Variants in CLDN16 observed in about 807,000 individuals in gnomAD.
CLDN16 encodes the protein claudin 16.
CLDN16 carries 13 observed loss-of-function variants against 24.6 expected under a neutral mutation model. The ratio of observed to expected loss-of-function variants is 0.53; its 90% CI spans 0.34 to 0.84. CLDN16 has a LOEUF of 0.84. Among genes scored for constraint, CLDN16 ranks in the 40% least tolerant of loss-of-function variants. CLDN16 has a pLI of 0.01. For synonymous variants in CLDN16, 116 were observed against 106.7 expected (o/e 1.09, Z -0.54); for missense variants, 298 against 292.7 (o/e 1.02, Z -0.13).
intron 3 of CLDN16, among the ~76,000 whole-genome samples, chr3:190,377,248 T>C (rs1718265821): frequency 6.6e-6 from 1 of 151,978 alleles, no homozygotes; most frequent in Non-Finnish European, 1.5e-5. Flanking sequence ...TTTTCTGCTA[T>C]TGATGAGAAT....
chr3:190,408,923 G>T (rs759617032), intron 4 of CLDN16, among the ~76,000 whole-genome samples: 6 of 147,980 alleles, frequency 4.1e-5, no homozygotes, highest in African/African-American at 1.5e-4. Flanking sequence ...TAGTACATAT[G>T]TATACACATA....
In CLDN16 at chr3:190,330,238, A is replaced by G. The variant is rs192644859; in HGVS notation, n.121+7577A>G. Among the ~76,000 whole-genome samples the G allele has an allele frequency of 3.1e-3, 479 of 152,286 alleles. No homozygotes were observed. In the South Asian group the frequency reaches 0.032, roughly 10 times the overall value. On this transcript the variant is annotated intron_variant and non_coding_transcript_variant, in intron 1 of 4. Coordinates refer to the CLDN16 transcript ENST00000468220. ...CTTGAACGACCTTTTGTTTACTGAA[A>G]AACTATTGTTTCATTGTGAAATATT... is the stretch of plus-strand genomic sequence containing the variant.
At chr3:190,398,747 T>C (rs1270214837) in intron 1 of CLDN16, among the ~76,000 whole-genome samples, 1 of 152,196 alleles carries the variant, frequency 6.6e-6, no homozygotes, top group East Asian at 1.9e-4. Flanking sequence ...ATTGCGTGTG[T>C]ATTTGTAATT....
At chr3:190,308,291 T>C in the CLDN16 span, 1 of 1,613,854 alleles carries the variant, frequency 6.2e-7, no homozygotes, top group African/African-American at 1.3e-5. Flanking sequence ...ACGTAGTCTT[T>C]CCCGCTGGAA....
intron 1 of CLDN16, among the ~76,000 whole-genome samples, chr3:190,325,505 G>A (rs552443593): frequency 6.6e-6 from 1 of 152,342 alleles, no homozygotes; most frequent in East Asian, 1.9e-4. Context: ...TGAGGAGGAA[G>A]AGATGTGTAA....
At chr3:190,371,212 T>C (rs1400069888) in intron 2 of CLDN16, among the ~76,000 whole-genome samples, 1 of 150,676 alleles carries the variant, frequency 6.6e-6, no homozygotes, top group East Asian at 2.0e-4. Context: ...AGTTAATACA[T>C]ATATATAGTA....
chr3:190,395,953 G>C (rs1056012833), intron 1 of CLDN16, among the ~76,000 whole-genome samples: 1 of 152,104 alleles, frequency 6.6e-6, no homozygotes, highest in Non-Finnish European at 1.5e-5. Context: ...CTAGAGAAGA[G>C]ATAAATGCCG....
intron 1 of CLDN16, among the ~76,000 whole-genome samples, chr3:190,353,195 C>T (rs1717703960): frequency 6.6e-6 from 1 of 152,102 alleles, no homozygotes; most frequent in Admixed American, 6.6e-5. Flanking sequence ...ATATTATTAA[C>T]TGTAAGACTA....
chr3:190,346,661 A>G (rs910480419), intron 1 of CLDN16, among the ~76,000 whole-genome samples: 2 of 152,158 alleles, frequency 1.3e-5, no homozygotes, highest in Non-Finnish European at 2.9e-5. Flanking sequence ...GTCTGAGATC[A>G]GGATACCAGT....
chr3:190,373,529 A>G (rs1417185327), intron 2 of CLDN16, among the ~76,000 whole-genome samples: 1 of 152,024 alleles, frequency 6.6e-6, no homozygotes. Context: ...AAGAAAGACT[A>G]TTCTTTACTA....
intron 4 of CLDN16, among the ~76,000 whole-genome samples, chr3:190,409,204 G>A (rs1719198521): frequency 2.0e-5 from 3 of 151,186 alleles, no homozygotes; most frequent in African/African-American, 7.3e-5. Flanking sequence ...GTATATGCAT[G>A]TATATATGCA....
At chr3:190,308,034 A>C in the CLDN16 span, 1 of 451,254 alleles carries the variant, frequency 2.2e-6, no homozygotes, top group Admixed American at 3.3e-5. Context: ...TGATTACTCA[A>C]TGGGAAGCAG....
chr3:190,333,810 T>G (rs1717237615), intron 1 of CLDN16, among the ~76,000 whole-genome samples: 1 of 152,128 alleles, frequency 6.6e-6, no homozygotes, highest in African/African-American at 2.4e-5. Context: ...TTCATATTCT[T>G]CAAAGGTGTA....
the CLDN16 span, among the ~76,000 whole-genome samples, chr3:190,312,357 C>G: frequency 1.3e-5 from 2 of 152,136 alleles, no homozygotes; most frequent in African/African-American, 2.4e-5. Flanking sequence ...CACCTCTACT[C>G]CAGTTGGCCT....
chr3:190,383,257 G>C (rs1718410554), upstream of CLDN16, among the ~76,000 whole-genome samples: 4 of 152,114 alleles, frequency 2.6e-5, no homozygotes. Context: ...TATGTACTGA[G>C]TACCACTTTT....
chr3:190,393,341 A>G (rs1718727534), intron 1 of CLDN16, among the ~76,000 whole-genome samples: 2 of 152,212 alleles, frequency 1.3e-5, no homozygotes, highest in Non-Finnish European at 2.9e-5. Flanking sequence ...TACAATGGAG[A>G]TGTTTATAGA....
At chr3:190,340,739 C>A (rs1026285509) in intron 1 of CLDN16, among the ~76,000 whole-genome samples, 2 of 152,282 alleles carry the variant, frequency 1.3e-5, no homozygotes, top group South Asian at 4.2e-4. Flanking sequence ...AGTCCAAAAT[C>A]TCATCTGAGA....
In CLDN16 at chr3:190,347,956, A is replaced by G. The variant is rs531567497; in HGVS notation, n.122-22937A>G. 1.1e-4 allele frequency among the ~76,000 whole-genome samples: 17 copies of G among 151,848 alleles called. No individual in the cohort carries two copies. The Middle Eastern group carries it at 0.01, about 91-fold the overall frequency. On this transcript the variant is annotated intron_variant and non_coding_transcript_variant, in intron 1 of 4. Transcript: ENST00000468220. ...GGGCGAGGAATCGGTAGAAGATGAGACCATGGGCTGGGCGCGGTGGCTCAC... is the reference window on the plus strand; with the variant it reads ...GGGCGAGGAATCGGTAGAAGATGAGGCCATGGGCTGGGCGCGGTGGCTCAC...
At chr3:190,360,604 ATTAT>A (rs1417529264) in intron 1 of CLDN16, among the ~76,000 whole-genome samples, 1 of 151,892 alleles carries the variant, frequency 6.6e-6, no homozygotes, top group African/African-American at 2.4e-5. Flanking sequence ...TTATAATGTA[ATTAT>A]TTGTTTGGTT....
Sources: gnomAD v4.1 joint callset for allele counts (sites outside exome capture counted in the v4.1 genomes callset) on GRCh38, gnomAD v4.1.1 for gene constraint, MANE v1.5 for transcripts, NCBI Gene and HGNC (gene_info 2026-07-23, HGNC 2026-07-21) for gene names.